STK36: variants seen among roughly 807,000 people sequenced by gnomAD.
The protein encoded by STK36 is serine/threonine-protein kinase 36.
Under a neutral mutation model 142.2 loss-of-function variants are expected in STK36, and 116 were observed. The observed-to-expected ratio is 0.82, with a 90% CI of 0.70 to 0.95. The LOEUF (loss-of-function observed/expected upper bound fraction) is 0.95. STK36 is among the 40% of genes least tolerant of loss of function. STK36 has a pLI of 0.00. For synonymous variants in STK36, 619 were observed against 641.7 expected (o/e 0.96, Z 0.53); for missense variants, 1,422 against 1,617.2 (o/e 0.88, Z 2.07).
In STK36 at chr2:218,675,493, A is replaced by G. The variant is rs1940196819; in HGVS notation, c.434+20A>G. 6.3e-7 allele frequency: 1 copy of G among 1,599,876 alleles called. No individual in the cohort carries two copies. Among genetic ancestry groups the G allele is most frequent in the Non-Finnish European group, 8.5e-7 (1 of 1,174,804 alleles). ...CTTTGGGTAAAGATTCTGAGCATCC[A>G]TCTAAGCTTCCAGTTCCACACGGAA... On this transcript the variant is annotated intron_variant, in intron 5 of 26. Coordinates refer to ENST00000295709, the MANE Select transcript of STK36 (RefSeq NM_015690.5).
intron 6 of STK36, among the ~76,000 whole-genome samples, chr2:218,678,403 A>G (rs1360260096): frequency 1.3e-5 from 2 of 152,208 alleles, no homozygotes; most frequent in African/African-American, 2.4e-5. Context: ...GGCCCGAATA[A>G]TTGTCAAGAA....
At chr2:218,697,757 G>A in intron 24 of STK36, 97 bp from the exon 25 acceptor site, 1 of 1,597,388 alleles carries the variant, frequency 6.3e-7, no homozygotes, top group Non-Finnish European at 8.6e-7. Context: ...GGCTGAGACT[G>A]TAGAAGGGGA....
chr2:218,690,769 A>G, intron 14 of STK36, among the ~76,000 whole-genome samples: 1 of 152,224 alleles, frequency 6.6e-6, no homozygotes, highest in East Asian at 1.9e-4. Flanking sequence ...GATTAAGGAC[A>G]ACAGTGAAAA....
At chr2:218,679,067 G>T in intron 6 of STK36, 101 bp from the exon 7 acceptor site, 1 of 1,123,594 alleles carries the variant, frequency 8.9e-7, no homozygotes, top group Non-Finnish European at 1.3e-6. Flanking sequence ...CTCATCTGCT[G>T]TGAGGATGGA....
Position 218,692,572 on chromosome 2 carries a change from T to A in STK36, c.1916-11T>A, listed in dbSNP as rs1395804903. The A allele has an allele frequency of 6.2e-7, 1 of 1,607,600 alleles. No homozygotes were observed. The highest frequency in any genetic ancestry group is 8.5e-7 in the Non-Finnish European group (1 of 1,178,108). On this transcript the variant is annotated splice_polypyrimidine_tract_variant and intron_variant, in intron 15 of 26. Transcript: ENST00000295709. ...CAGGCCTTTGGAGTTACTCTTTGCT[T>A]TTCTCCACAGGAGCCCCGCAAGTGA... is the stretch of plus-strand genomic sequence containing the variant.
Position 218,673,732 on chromosome 2 carries a change from G to A in STK36, c.192G>A (p.Val64=), listed in dbSNP as rs933354353. Residue 64 remains valine, a synonymous_variant, in exon 3 of 27, where the codon GTG becomes GTA. Transcript: ENST00000295709. ...GGGGTCTGCGGCATCCCAACATTGT[G>A]CATATGCTTGACAGCTTTGAAACTG... ...IMRGLRHPNI[V]HMLDSFETDK... is the part of the protein sequence containing the mutation. The A allele has an allele frequency of 6.2e-7, 1 of 1,614,068 alleles. No individual in the cohort carries two copies. The highest frequency in any genetic ancestry group is 8.5e-7 in the Non-Finnish European group (1 of 1,180,048).
At chr2:218,680,851 G>A in intron 10 of STK36, 149 bp downstream of exon 10, 1 of 603,952 alleles carries the variant, frequency 1.7e-6, no homozygotes, top group Non-Finnish European at 2.9e-6. Flanking sequence ...GATTTTAATT[G>A]TACAGTATCT....
chr2:218,689,737 T>C (rs982126281), intron 12 of STK36, 122 bp from the exon 13 acceptor site: 2 of 804,198 alleles, frequency 2.5e-6, no homozygotes, highest in Non-Finnish European at 3.9e-6. Context: ...CCTATACTTC[T>C]CTTCTGTCCC....
intron 11 of STK36, chr2:218,688,290 A>G (rs1940855175): frequency 4.4e-6 from 2 of 450,716 alleles, no homozygotes; most frequent in Admixed American, 4.9e-5. Context: ...CTAGAGTTGA[A>G]TAATGTTGTT....
intron 9 of STK36, 43 bp from the exon 10 acceptor site, chr2:218,680,560 C>A: frequency 6.5e-7 from 1 of 1,532,262 alleles, no homozygotes; most frequent in South Asian, 1.2e-5. Context: ...CCCTAAGAGT[C>A]ATAGGTTTGG....
Position 218,699,069 on chromosome 2 carries a change from T to C in STK36, c.3525T>C (p.Ala1175=). 1 of 1,614,082 alleles carries C rather than the reference T, an allele frequency of 6.2e-7. No homozygotes were observed. The highest frequency in any genetic ancestry group is 8.5e-7 in the Non-Finnish European group (1 of 1,180,016). ...TTGTGCGGTGCAGTGCCAGCTTTGC[T>C]GTGGGCAATGCAGCCTACCAGGCTG... ...DPVVRCSASF[A]VGNAAYQAGP... Residue 1175 remains alanine (A), a synonymous_variant, in exon 26 of 27, where the codon GCT becomes GCC. Coordinates refer to ENST00000295709, the MANE Select transcript of STK36 (RefSeq NM_015690.5).
At chr2:218,690,427 A>G (rs746760081) in intron 13 of STK36, 23 bp from the exon 14 acceptor site, 3 of 1,601,236 alleles carry the variant, frequency 1.9e-6, no homozygotes, top group South Asian at 2.2e-5. Flanking sequence ...ATAAGAAATC[A>G]TGGGCTCATT....
intron 10 of STK36, among the ~76,000 whole-genome samples, chr2:218,683,576 T>TTTTA (rs921723236): frequency 1.3e-5 from 2 of 152,016 alleles, no homozygotes; most frequent in African/African-American, 2.4e-5. Context: ...CCAGGCCTAT[T>TTTTA]TTTATTTATT....
chr2:218,689,543 G>A (rs1940912683), intron 12 of STK36, among the ~76,000 whole-genome samples: 1 of 152,192 alleles, frequency 6.6e-6, no homozygotes, highest in Non-Finnish European at 1.5e-5. Flanking sequence ...GAGGCAGCTG[G>A]AAAGCTGCAC....
chr2:218,702,320 A>G lies in STK36; in HGVS notation c.*311A>G, dbSNP rs80263269. The stretch of plus-strand genomic sequence containing the variant: ...GACCTGCCTCACGGACCTTAGGGAA[A>G]AACCTCAACCTGAAAGATCTCTTCC... On this transcript the variant is annotated 3_prime_UTR_variant, in exon 27 of 27. Transcript: ENST00000295709. 0.027 allele frequency: 5,891 copies of G among 218,938 alleles called. 350 individuals are homozygous for G. The highest frequency in any genetic ancestry group is 0.13 in the African/African-American group (5,517 of 43,490). 13.6% of individuals were successfully genotyped at this position (218,938 alleles called of 1,614,324 possible). A position where few individuals can be genotyped will look rare whatever the true frequency, so the allele number is the denominator to read the frequency against.
intron 13 of STK36, 57 bp downstream of exon 13, chr2:218,690,013 A>G (rs1239219820): frequency 6.7e-7 from 1 of 1,485,848 alleles, no homozygotes; most frequent in Admixed American, 2.0e-5. Context: ...TTCTACCCCA[A>G]GTGCCCTTCC....
At chr2:218,690,299 G>T in intron 13 of STK36, 151 bp from the exon 14 acceptor site, 1 of 691,704 alleles carries the variant, frequency 1.4e-6, no homozygotes, top group Admixed American at 2.3e-5. Context: ...GGCTTGGAGG[G>T]TGTATGTGTG....
chr2:218,675,960 T>G, intron 5 of STK36, 69 bp from the exon 6 acceptor site: 3 of 1,583,314 alleles, frequency 1.9e-6, no homozygotes, highest in Non-Finnish European at 2.6e-6. Flanking sequence ...GATATCTCTA[T>G]GTTAGGTAGT....
rs187212444 is a variant in STK36 at position 218,692,305 on chromosome 2, G to A, written c.1915+12G>A. 1,558 of 1,613,778 alleles carry A rather than the reference G, an allele frequency of 9.7e-4. 1 individual carries two copies. Among genetic ancestry groups the A allele is most frequent in the Non-Finnish European group, 1.3e-3 (1,482 of 1,179,968 alleles). ...CCACACTCCCCAAGGTAACCAGAGT[G>A]GAGAAGGGAGGTTCTCTTGACTTAC... On this transcript the variant is annotated intron_variant, in intron 15 of 26. Coordinates refer to ENST00000295709, the MANE Select transcript of STK36 (RefSeq NM_015690.5).
Sources: gnomAD v4.1 joint callset for allele counts (sites outside exome capture counted in the v4.1 genomes callset) on GRCh38, gnomAD v4.1.1 for gene constraint, MANE v1.5 for transcripts, NCBI Gene and HGNC (gene_info 2026-07-23, HGNC 2026-07-21) for gene names.